Variants in DOP1B observed in about 807,000 individuals in gnomAD.
The protein encoded by DOP1B is DOP1 leucine zipper like protein B.
DOP1B carries 174 observed loss-of-function variants against 233.5 expected under a neutral mutation model. The ratio of observed to expected loss-of-function variants is 0.75; its 90% confidence interval spans 0.66 to 0.85. The LOEUF is 0.85. Ranked by LOEUF, DOP1B falls within the 40% of genes least tolerant of loss-of-function variation. The pLI, the probability that DOP1B is intolerant of heterozygous loss-of-function variation, is 0.00. For missense variants in DOP1B, 2,652 were observed against 2,846.6 expected, an observed-to-expected ratio of 0.93 and a Z score of 1.56; for synonymous variants, 1,190 against 1,185.6, an observed-to-expected ratio of 1.00 and a Z score of -0.08.
rs1569042413 is a variant in DOP1B, at chr21:36,238,657, G to A, written c.2832G>A (p.Glu944=). ...RFSVIWHLTR[E]IQGSRVTSHN... ...CCGTGATCTGGCATCTGACAAGAGA[G>A]ATCCAAGGCAGTCGAGTAACATCTC... The change falls in exon 17 of 37, where the codon GAG becomes GAA. Residue 944 remains glutamate, a synonymous_variant. Transcript: ENST00000691173. 1.9e-6 allele frequency: 3 copies of A among 1,614,230 alleles called. No homozygotes were observed. The highest frequency in any genetic ancestry group is 1.7e-6 in the Non-Finnish European group (2 of 1,180,044).
At chr21:36,160,686 C>T (rs546889381) in intron 1 of DOP1B, among the ~76,000 whole-genome samples, 61 of 152,224 alleles carry the variant, frequency 4.0e-4, no homozygotes, top group African/African-American at 1.4e-3. Flanking sequence ...CCATGTTGGC[C>T]ATGCTGGTCA....
chr21:36,289,361 T>G (rs1256312595), intron 35 of DOP1B, among the ~76,000 whole-genome samples, 155 bp downstream of exon 35: 1 of 152,036 alleles, frequency 6.6e-6, no homozygotes, highest in African/African-American at 2.4e-5. Context: ...AGTTTCAGAT[T>G]ACTTGCAACA....
chr21:36,180,518 C>T (rs1182349127), intron 2 of DOP1B, among the ~76,000 whole-genome samples: 1 of 151,908 alleles, frequency 6.6e-6, no homozygotes, highest in Non-Finnish European at 1.5e-5. Flanking sequence ...TCACAGTGAG[C>T]TGAGATCAGG....
intron 15 of DOP1B, among the ~76,000 whole-genome samples, chr21:36,234,513 C>T (rs1040155826): frequency 2.6e-5 from 4 of 151,434 alleles, no homozygotes; most frequent in Non-Finnish European, 4.4e-5. Flanking sequence ...AGTACATATT[C>T]AAGTACTTAC....
At chr21:36,263,400 A>C (rs2067195662) in intron 24 of DOP1B, 146 bp from the exon 25 acceptor site, 4 of 674,578 alleles carry the variant, frequency 5.9e-6, no homozygotes, top group Non-Finnish European at 1.0e-5. Flanking sequence ...GCTCATGTAC[A>C]TTGTAAGTTT....
At position 36,245,137 on chromosome 21, in the gene DOP1B, C is replaced by T. The variant is rs750641679; in HGVS notation, c.3157C>T (p.His1053Tyr). ...PEPQESGSEE[H>Y]LPLSQFTTVD... Reference sequence around the variant, plus strand: ...GCCTCAGGAGAGCGGCTCTGAAGAGCACCTGCCTCTGAGCCAGTTCACCAC... The same window carrying T: ...GCCTCAGGAGAGCGGCTCTGAAGAGTACCTGCCTCTGAGCCAGTTCACCAC... The change falls in exon 19 of 37, where the codon CAC (histidine) becomes TAC (tyrosine). Residue 1053 changes from histidine to tyrosine, a missense_variant. His to Tyr is a moderately conservative substitution (Grantham distance 83). Around this residue, in one of 3 missense-constraint regions of DOP1B, gnomAD observed 2,617 missense variants for 2,794.3 expected, o/e 0.94. Transcript: ENST00000691173. The surrounding 1 kb of genome is among the most constrained non-coding windows in gnomAD (Gnocchi z 5.5). 6.2e-7 allele frequency: 1 copy of T among 1,613,928 alleles called. No individual in the cohort carries two copies. Among genetic ancestry groups the T allele is most frequent in the East Asian group, 2.2e-5 (1 of 44,882 alleles).
chr21:36,293,587 T>A lies in DOP1B; in HGVS notation c.*16T>A, dbSNP rs1213737225. On this transcript the variant is annotated 3_prime_UTR_variant, in exon 37 of 37. Transcript: ENST00000691173. ...AGAATGTTAACCATGTGAGAGAGAA[T>A]ATGTTTAATCCATGTATTGGTACTT... The A allele has an allele frequency of 6.2e-7, 1 of 1,612,606 alleles. No homozygotes were observed. The highest frequency in any genetic ancestry group is 2.2e-5 in the East Asian group (1 of 44,880).
chr21:36,247,660 A>G (rs768868216), intron 20 of DOP1B, 32 bp downstream of exon 20: 30 of 1,458,358 alleles, frequency 2.1e-5, no homozygotes, highest in Non-Finnish European at 2.7e-5. Context: ...GTTCAAGGCA[A>G]TTTTCATGTA....
chr21:36,191,257 A>G (rs2066231040), intron 2 of DOP1B, among the ~76,000 whole-genome samples: 1 of 22,756 alleles, frequency 4.4e-5, no homozygotes, highest in Non-Finnish European at 8.6e-5. Flanking sequence ...ACAAGTCAGA[A>G]AAAAAAAAAA....
Position 36,288,034 on chromosome 21 carries a change from A to G in DOP1B, c.6181A>G (p.Arg2061Gly). ...CTTAGAACGCCTGACAGACAATCTCAGAGTTGGACAGACATCCATAGTTGC... is the reference window on the plus strand; with the variant it reads ...CTTAGAACGCCTGACAGACAATCTCGGAGTTGGACAGACATCCATAGTTGC... ...LIQERLTDNL[R>G]VGQTSIVAAQ... is the part of the protein sequence containing the mutation. The change falls in exon 33 of 37, where the codon AGA (arginine) becomes GGA (glycine). Residue 2061 changes from arginine to glycine, a missense_variant. This residue lies in a region of DOP1B where 2,617 missense variants were observed against 2,794.3 expected (regional missense o/e 0.94). Transcript: ENST00000691173. 6.2e-7 allele frequency: 1 copy of G among 1,613,220 alleles called. No individual in the cohort carries two copies. The highest frequency in any genetic ancestry group is 8.5e-7 in the Non-Finnish European group (1 of 1,179,600).
chr21:36,225,712 A>G (rs758452796), intron 12 of DOP1B, 45 bp downstream of exon 12: 1 of 1,590,628 alleles, frequency 6.3e-7, no homozygotes, highest in South Asian at 1.1e-5. Context: ...TATTATTTAC[A>G]TTCTTACTGG....
chr21:36,261,021 GA>G, intron 24 of DOP1B: 1 of 1,133,538 alleles, frequency 8.8e-7, no homozygotes, highest in Non-Finnish European at 1.1e-6. Context: ...AATTGATACA[GA>G]AAAAGAAAAA....
rs869203517 is a variant in DOP1B, at chr21:36,287,579, C to CTTTTTTTTT, written c.6161-418_6161-410dup. Among the ~76,000 whole-genome samples, 25 of 73,128 alleles carry CTTTTTTTTT rather than the reference C, an allele frequency of 3.4e-4. 1 individual carries two copies. Among genetic ancestry groups the CTTTTTTTTT allele is most frequent in the East Asian group, 9.3e-4 (2 of 2,146 alleles). The allele number at this position is 73,128 out of a possible 152,430, so 48.0% of individuals were successfully genotyped here. A position where few individuals can be genotyped will look rare whatever the true frequency, so the allele number is the denominator to read the frequency against. On this transcript the variant is annotated intron_variant, in intron 32 of 36. Coordinates refer to ENST00000691173, the MANE Select transcript of DOP1B (RefSeq NM_001320714.2). The stretch of plus-strand genomic sequence containing the variant: ...TTGCACAAAAGCATCTCCTAACATT[C>CTTTTTTTTT]TTTTTTTTTTTTTTTTTTTTTTTTT...
intron 10 of DOP1B, among the ~76,000 whole-genome samples, chr21:36,220,345 G>A: frequency 6.6e-6 from 1 of 152,142 alleles, no homozygotes; most frequent in East Asian, 1.9e-4. Flanking sequence ...AAGAAAAAAG[G>A]TGTCACACGT....
At chr21:36,222,498 A>T (rs1231623870) in intron 10 of DOP1B, among the ~76,000 whole-genome samples, 6 of 151,396 alleles carry the variant, frequency 4.0e-5, no homozygotes, top group Admixed American at 3.9e-4. Flanking sequence ...AGGCAGGAGA[A>T]TCGCTTGAAC....
intron 30 of DOP1B, among the ~76,000 whole-genome samples, chr21:36,279,135 G>C (rs2067386884): frequency 6.6e-6 from 1 of 151,830 alleles, no homozygotes; most frequent in Non-Finnish European, 1.5e-5. Context: ...CTCAGGGCTG[G>C]TCATGGTGGC....
At position 36,251,148 on chromosome 21, in the gene DOP1B, T is replaced by TC. The variant is rs112071403; in HGVS notation, c.4999-11dup. 3.6e-3 allele frequency: 5,823 copies of TC among 1,598,450 alleles called. 17 individuals carry two copies. The highest frequency in any genetic ancestry group is 4.6e-3 in the Non-Finnish European group (5,348 of 1,174,612). On this transcript the variant is annotated splice_polypyrimidine_tract_variant and intron_variant, in intron 21 of 36. Coordinates refer to ENST00000691173, the MANE Select transcript of DOP1B (RefSeq NM_001320714.2). ...ATATTACTCTGCAGTAACTTTTTTT[T>TC]CCCTATTTTCTAGACCATAAGACAA...
intron 26 of DOP1B, among the ~76,000 whole-genome samples, chr21:36,264,484 CA>C (rs762396278): frequency 2.3e-4 from 35 of 149,768 alleles, no homozygotes; most frequent in Non-Finnish European, 3.8e-4. Flanking sequence ...TTTTTTGGGC[CA>C]GGGGGTTGGA....
rs2067585218 is a variant in DOP1B, at chr21:36,293,779, T to C, written c.*208T>C. 2 of 520,568 alleles carry C rather than the reference T, an allele frequency of 3.8e-6. No individual in the cohort carries two copies. Among genetic ancestry groups the C allele is most frequent in the Non-Finnish European group, 6.9e-6 (2 of 290,826 alleles). The allele number at this position is 520,568 out of a possible 1,614,324, so 32.2% of individuals were successfully genotyped here. On this transcript the variant is annotated 3_prime_UTR_variant, in exon 37 of 37. Transcript: ENST00000691173. ...AGGCAGATCACTTGAGGTCAGGAGTTCGAGACCAGCCTGACCAACATGGTG... is the reference window on the plus strand; with the variant it reads ...AGGCAGATCACTTGAGGTCAGGAGTCCGAGACCAGCCTGACCAACATGGTG...
Sources: gnomAD v4.1 joint callset for allele counts (sites outside exome capture counted in the v4.1 genomes callset) on GRCh38, gnomAD v4.1.1 for gene constraint, gnomAD v4.1.1 regional missense constraint, Gnocchi (gnomAD v3.1) non-coding constraint, MANE v1.5 for transcripts, NCBI Gene and HGNC (gene_info 2026-07-23, HGNC 2026-07-21) for gene names.